CGA: variants seen among roughly 807,000 people sequenced by gnomAD.
CGA encodes the protein glycoprotein hormones, alpha polypeptide, also known as glycoprotein hormones alpha chain.
In CGA, 4 loss-of-function variants were observed where a neutral mutation model predicts 12.0. The ratio of observed to expected loss-of-function variants is 0.33; its 90% CI spans 0.16 to 0.76. CGA has a LOEUF of 0.76. Ranked by LOEUF, CGA falls within the 30% of genes least tolerant of loss-of-function variation. The probability of loss-of-function intolerance (pLI) is 0.60; values close to 1 mark genes in which losing one functional copy is unlikely to be tolerated. For missense variants in CGA, 102 were observed against 143.5 expected (o/e 0.71, Z 1.48); for synonymous variants, 60 against 56.6 (o/e 1.06, Z -0.27).
At position 87,088,129 on chromosome 6, in the gene CGA, G is replaced by A. The variant is rs777020415; in HGVS notation, c.72C>T (p.Ser24=). Residue 24 remains serine (S), a synonymous_variant, in exon 2 of 4, where the codon TCC becomes TCT. Coordinates refer to ENST00000627148, the MANE Select transcript of CGA (RefSeq NM_000735.4). ...TLSVFLHVLH[S]APDVQDCPEC... is the part of the protein sequence containing the mutation. ...GTCACGCACCCTGCACATCAGGAGCGGAATGGAGAACATGCAGAAACACCG... is the reference window on the plus strand; with the variant it reads ...GTCACGCACCCTGCACATCAGGAGCAGAATGGAGAACATGCAGAAACACCG... 1.4e-5 allele frequency: 22 copies of A among 1,595,576 alleles called. No individual in the cohort carries two copies. The Middle Eastern group carries it at 1.0e-3, about 72-fold the overall frequency.
Position 87,090,898 on chromosome 6 carries a change from G to A in CGA, c.-7-2691C>T, listed in dbSNP as rs181739338. ...CCTGACCTCGTGATCCACCTGCCTC[G>A]GCCTCCCAAAGTGCTGGGATTACAG... is the stretch of plus-strand genomic sequence containing the variant. On this transcript the variant is annotated intron_variant, in intron 1 of 3. Coordinates refer to ENST00000627148, the MANE Select transcript of CGA (RefSeq NM_000735.4). Among the ~76,000 whole-genome samples the A allele has an allele frequency of 1.1e-3, 170 of 150,528 alleles. 1 individual carries two copies. Among genetic ancestry groups the A allele is most frequent in the Middle Eastern group, 3.4e-3 (1 of 290 alleles).
At chr6:87,087,652 G>A (rs993230048) in intron 2 of CGA, 3 of 152,224 alleles carry the variant, frequency 2.0e-5, no homozygotes, top group African/African-American at 7.2e-5. Flanking sequence ...AAAGCAGAAG[G>A]AATTATACCA....
intron 1 of CGA, among the ~76,000 whole-genome samples, chr6:87,092,260 A>ATGTC (rs1227115032): frequency 6.6e-6 from 1 of 152,126 alleles, no homozygotes; most frequent in Non-Finnish European, 1.5e-5. Context: ...AAACAGTGGT[A>ATGTC]TGTCTGTCTT....
intron 1 of CGA, among the ~76,000 whole-genome samples, chr6:87,092,622 GAAAAGAA>G (rs1769461309): frequency 6.7e-6 from 1 of 148,946 alleles, no homozygotes; most frequent in South Asian, 2.1e-4. Context: ...AAGAGAGAGA[GAAAAGAA>G]AAAAGAAAAG....
intron 1 of CGA, among the ~76,000 whole-genome samples, chr6:87,092,768 G>C (rs1769465475): frequency 9.5e-6 from 1 of 105,730 alleles, no homozygotes. Context: ...TTTTTTTTGA[G>C]ACATGGTCTC....
rs1007248946 is a variant in CGA, at chr6:87,085,659, A to G, written c.*97T>C. On this transcript the variant is annotated 3_prime_UTR_variant, in exon 4 of 4. Coordinates refer to ENST00000627148, the MANE Select transcript of CGA (RefSeq NM_000735.4). Reference sequence around the variant, plus strand: ...GCGTGTCAAAGTGGTATGGTAAGGAAAAGGAGAGTTTTATCTCACAAAGCC... The same window carrying G: ...GCGTGTCAAAGTGGTATGGTAAGGAGAAGGAGAGTTTTATCTCACAAAGCC... 4.8e-6 allele frequency: 4 copies of G among 828,126 alleles called. No individual in the cohort carries two copies. In the African/African-American group the frequency reaches 6.8e-5, roughly 14 times the overall value. The allele number at this position is 828,126 out of a possible 1,614,324, so 51.3% of individuals were successfully genotyped here. A position where few individuals can be genotyped will look rare whatever the true frequency, so the allele number is the denominator to read the frequency against.
At chr6:87,090,960 AT>A (rs1164308995) in intron 1 of CGA, among the ~76,000 whole-genome samples, 1 of 152,004 alleles carries the variant, frequency 6.6e-6, no homozygotes, top group Non-Finnish European at 1.5e-5. Flanking sequence ...CTCTTCAATA[AT>A]TTTTAAGAGT....
chr6:87,086,470 A>G (rs1382273843), intron 2 of CGA, 36 bp from the exon 3 acceptor site: 2 of 1,562,642 alleles, frequency 1.3e-6, no homozygotes, highest in Non-Finnish European at 1.7e-6. Flanking sequence ...TAAAATATCC[A>G]AAAAAGACTC....
intron 1 of CGA, among the ~76,000 whole-genome samples, chr6:87,092,871 C>T (rs72914482): frequency 6.6e-6 from 1 of 151,776 alleles, no homozygotes; most frequent in Non-Finnish European, 1.5e-5. Flanking sequence ...TCTTAGCCTC[C>T]CGGGTAACTG....
intron 1 of CGA, among the ~76,000 whole-genome samples, chr6:87,089,615 T>A (rs2127754742): frequency 6.6e-6 from 1 of 152,286 alleles, no homozygotes; most frequent in African/African-American, 2.4e-5. Context: ...AGTCAAAACT[T>A]ATGGTTATTT....
intron 2 of CGA, 179 bp from the exon 3 acceptor site, chr6:87,086,613 C>T: frequency 1.8e-6 from 1 of 571,224 alleles, no homozygotes; most frequent in Non-Finnish European, 3.1e-6. Context: ...CCTGTCTCTA[C>T]AAAAAATACA....
chr6:87,092,561 AAGAGGAGAGG>A (rs753687231), intron 1 of CGA, among the ~76,000 whole-genome samples: 1 of 151,258 alleles, frequency 6.6e-6, no homozygotes, highest in Non-Finnish European at 1.5e-5. Flanking sequence ...AAAAGAAAAG[AAGAGGAGAGG>A]AGAGGAGAGG....
intron 2 of CGA, 127 bp from the exon 3 acceptor site, chr6:87,086,561 G>C: frequency 6.2e-6 from 5 of 808,974 alleles, no homozygotes; most frequent in Non-Finnish European, 9.6e-6. Flanking sequence ...TGGATTGCTT[G>C]AGCTCAGGAG....
In CGA at chr6:87,092,096, G is replaced by T. The variant is rs1337144727; in HGVS notation, c.-8+2917C>A. On this transcript the variant is annotated intron_variant, in intron 1 of 3. Transcript: ENST00000627148. The stretch of plus-strand genomic sequence containing the variant: ...TTACTTTAAAAGGATTTTTTTTTTT[G>T]GTAATAAAAACAGAGCAGAGGAGCT... Among the ~76,000 whole-genome samples, 530 of 116,626 alleles carry T rather than the reference G, an allele frequency of 4.5e-3. 2 individuals are homozygous for T. The highest frequency in any genetic ancestry group is 0.015 in the African/African-American group (476 of 32,426). 76.5% of individuals were successfully genotyped at this position (116,626 alleles called of 152,430 possible).
intron 1 of CGA, among the ~76,000 whole-genome samples, chr6:87,092,119 G>T (rs1368197391): frequency 6.6e-6 from 1 of 151,784 alleles, no homozygotes; most frequent in Non-Finnish European, 1.5e-5. Flanking sequence ...GAGCAGAGGA[G>T]CTGCAAAGTG....
At chr6:87,091,798 T>A (rs1372501639) in intron 1 of CGA, among the ~76,000 whole-genome samples, 10 of 152,202 alleles carry the variant, frequency 6.6e-5, no homozygotes, top group Non-Finnish European at 1.5e-5. Flanking sequence ...AAAATAAATA[T>A]CTTTCTCCAC....
Position 87,086,378 on chromosome 6 carries a change from T to A in CGA, c.145A>T (p.Ile49Leu). 1.2e-6 allele frequency: 2 copies of A among 1,613,840 alleles called. No individual in the cohort carries two copies. Among genetic ancestry groups the A allele is most frequent in the East Asian group, 2.2e-5 (1 of 44,886 alleles). Reference sequence around the variant, plus strand: ...AAGCAGCAGCCCATGCACTGAAGTATTGGGGCACCCGGCTGGGAGAAGAAT... The same window carrying A: ...AAGCAGCAGCCCATGCACTGAAGTAATGGGGCACCCGGCTGGGAGAAGAAT... The part of the protein sequence containing the change: ...NPFFSQPGAP[I>L]LQCMGCCFSR... Residue 49 changes from isoleucine (I) to leucine (L), a missense_variant, in exon 3 of 4, where the codon ATA becomes TTA. By Grantham distance (5) the Ile-to-Leu change is conservative. Coordinates refer to ENST00000627148, the MANE Select transcript of CGA (RefSeq NM_000735.4).
intron 1 of CGA, among the ~76,000 whole-genome samples, chr6:87,091,434 A>C (rs996726851): frequency 6.6e-6 from 1 of 152,212 alleles, no homozygotes; most frequent in Non-Finnish European, 1.5e-5. Context: ...ATTCAAAAGA[A>C]AATATTAAGA....
chr6:87,090,897 C>T lies in CGA; in HGVS notation c.-7-2690G>A, dbSNP rs1337616084. 6.6e-5 allele frequency among the ~76,000 whole-genome samples: 10 copies of T among 151,442 alleles called. No individual in the cohort carries two copies. In the East Asian group the frequency reaches 7.7e-4, roughly 12 times the overall value. On this transcript the variant is annotated intron_variant, in intron 1 of 3. Coordinates refer to ENST00000627148, the MANE Select transcript of CGA (RefSeq NM_000735.4). ...TCCTGACCTCGTGATCCACCTGCCTCGGCCTCCCAAAGTGCTGGGATTACA... is the reference window on the plus strand; with the variant it reads ...TCCTGACCTCGTGATCCACCTGCCTTGGCCTCCCAAAGTGCTGGGATTACA...
Sources: allele counts gnomAD v4.1 joint callset (sites outside exome capture counted in the v4.1 genomes callset), GRCh38; gene constraint gnomAD v4.1.1; transcripts MANE v1.5; gene names NCBI Gene and HGNC (gene_info 2026-07-23, HGNC 2026-07-21).